DLGAP4: variants seen among roughly 807,000 people sequenced by gnomAD.
DLGAP4 encodes the protein disks large-associated protein 4.
Under a neutral mutation model 86.9 loss-of-function variants are expected in DLGAP4, and 18 were observed. The ratio of observed to expected loss-of-function variants is 0.21; its 90% CI spans 0.14 to 0.31. The LOEUF (loss-of-function observed/expected upper bound fraction) is 0.31, where lower values mean the gene tolerates loss of function less well. DLGAP4 is among the 10% of genes least tolerant of loss of function. The pLI is 1.00. For missense variants in DLGAP4, 1,085 were observed against 1,362.6 expected, an observed-to-expected ratio of 0.80 and a Z score of 3.21; for synonymous variants, 548 against 574.3, an observed-to-expected ratio of 0.95 and a Z score of 0.65.
intron 7 of DLGAP4, among the ~76,000 whole-genome samples, chr20:36,467,843 C>T (rs574172939): frequency 5.9e-5 from 9 of 152,324 alleles, no homozygotes; most frequent in East Asian, 3.9e-4. Context: ...TCCACAAGGG[C>T]GCTCATGAAA....
chr20:36,356,746 T>C (rs1447871990), intron 1 of DLGAP4, among the ~76,000 whole-genome samples: 1 of 151,666 alleles, frequency 6.6e-6, no homozygotes, highest in Non-Finnish European at 1.5e-5. Flanking sequence ...TGCAGTGCCA[T>C]ATGGCTTGCA....
chr20:36,460,878 T>G (rs1362194106), intron 7 of DLGAP4, among the ~76,000 whole-genome samples: 1 of 152,180 alleles, frequency 6.6e-6, no homozygotes, highest in Non-Finnish European at 1.5e-5. Context: ...TTGTTCAAGA[T>G]CACACAGGCC....
rs1187189217 is a variant in DLGAP4, at chr20:36,526,820, A to C, written c.2768A>C (p.Lys923Thr). ...CTCACTGTCTCACTAAAGGAAGAGA[A>C]GAAACCACCCCCTCCGGTCCCAAAG... ...VETPEKRKEE[K>T]KPPPPVPKKP... Residue 923 changes from lysine (K) to threonine (T), a missense_variant, in exon 13 of 13, where the codon AAG (lysine) becomes ACG (threonine). This residue lies in a region of DLGAP4 where 1,082 missense variants were observed against 1,344.1 expected (regional missense o/e 0.81). Coordinates refer to ENST00000339266, the MANE Select transcript of DLGAP4 (RefSeq NM_001365621.2). The C allele has an allele frequency of 1.9e-6, 3 of 1,603,046 alleles. No individual in the cohort carries two copies. Among genetic ancestry groups the C allele is most frequent in the Non-Finnish European group, 2.5e-6 (3 of 1,176,592 alleles).
In DLGAP4 at chr20:36,418,796, CA is replaced by C. The variant is rs1293119998; in HGVS notation, c.-72-12849del. On this transcript the variant is annotated intron_variant, in intron 2 of 12. Transcript: ENST00000339266. ...GGGAGCAGTGTCAGTCACACGTCCC[CA>C]GCAGCCATGGCCTGCTATCTTGTTG... Among the ~76,000 whole-genome samples the C allele has an allele frequency of 2.0e-5, 3 of 150,924 alleles. No individual in the cohort carries two copies. The East Asian group carries it at 5.9e-4, about 30-fold the overall frequency.
chr20:36,504,715 G>A (rs2036286458), intron 10 of DLGAP4, among the ~76,000 whole-genome samples: 1 of 152,196 alleles, frequency 6.6e-6, no homozygotes, highest in South Asian at 2.1e-4. Context: ...AGTAGATGAA[G>A]TAATATCTCA....
chr20:36,446,838 A>G lies in DLGAP4; in HGVS notation c.1549A>G (p.Ile517Val). 6.2e-7 allele frequency: 1 copy of G among 1,613,184 alleles called. No homozygotes were observed. The highest frequency in any genetic ancestry group is 8.5e-7 in the Non-Finnish European group (1 of 1,179,890). ...RSRSHSYLRA[I>V]QAGCSQEEDS... ...CCGCAGCCACAGCTACCTGCGTGCCATCCAGGCAGGCTGCTCGCAGGAGGA... is the reference window on the plus strand; with the variant it reads ...CCGCAGCCACAGCTACCTGCGTGCCGTCCAGGCAGGCTGCTCGCAGGAGGA... Residue 517 changes from isoleucine (I) to valine (V), a missense_variant, in exon 7 of 13, where the codon ATC becomes GTC. By Grantham distance (29) the Ile-to-Val change is conservative. Around this residue, in one of 2 missense-constraint regions of DLGAP4, gnomAD observed 1,082 missense variants for 1,344.1 expected, o/e 0.81. Coordinates refer to ENST00000339266, the MANE Select transcript of DLGAP4 (RefSeq NM_001365621.2).
At chr20:36,331,724 C>T (rs1041290644) in intron 1 of DLGAP4, among the ~76,000 whole-genome samples, 4 of 152,228 alleles carry the variant, frequency 2.6e-5, no homozygotes, top group Non-Finnish European at 5.9e-5. Context: ...TCCCTGCCCT[C>T]ACAGAGCTCT....
chr20:36,327,634 C>A (rs2065228747), intron 1 of DLGAP4, among the ~76,000 whole-genome samples: 1 of 145,556 alleles, frequency 6.9e-6, no homozygotes, highest in Admixed American at 6.8e-5. Flanking sequence ...CTCTGTCGCC[C>A]AGGCTGGAGT....
At chr20:36,463,055 G>A (rs1399583106) in intron 7 of DLGAP4, among the ~76,000 whole-genome samples, 1 of 152,176 alleles carries the variant, frequency 6.6e-6, no homozygotes, top group Non-Finnish European at 1.5e-5. Context: ...TGGGGTTCAT[G>A]GCCAGAACTT....
intron 1 of DLGAP4, among the ~76,000 whole-genome samples, chr20:36,343,457 T>C (rs2065404761): frequency 1.3e-5 from 2 of 152,122 alleles, no homozygotes; most frequent in Non-Finnish European, 2.9e-5. Context: ...ACCAACTTTA[T>C]GATGTGCTCA....
chr20:36,477,820 A>C (rs1022835945), intron 7 of DLGAP4, among the ~76,000 whole-genome samples: 1 of 152,222 alleles, frequency 6.6e-6, no homozygotes, highest in African/African-American at 2.4e-5. Context: ...AGGACGCCTG[A>C]TCCCAATTTG....
chr20:36,472,500 CAAAA>C (rs1217814412), intron 7 of DLGAP4, among the ~76,000 whole-genome samples: 15 of 76,340 alleles, frequency 2.0e-4, no homozygotes, highest in East Asian at 1.2e-3. Context: ...AACCCTGTCT[CAAAA>C]AAAAAAAAAA....
chr20:36,313,893 A>G (rs1444686481), intron 1 of DLGAP4, among the ~76,000 whole-genome samples: 3 of 152,124 alleles, frequency 2.0e-5, no homozygotes, highest in Non-Finnish European at 2.9e-5. Context: ...CAGTTACCCC[A>G]TCGGAACAGC....
intron 7 of DLGAP4, among the ~76,000 whole-genome samples, chr20:36,489,855 CTTTTT>C (rs764797081): frequency 6.5e-5 from 7 of 107,994 alleles, no homozygotes; most frequent in African/African-American, 1.5e-4. Flanking sequence ...GCTAATTCTT[CTTTTT>C]TTTTTTTTTT....
At chr20:36,386,695 C>T (rs2031611074) in intron 2 of DLGAP4, among the ~76,000 whole-genome samples, 1 of 152,060 alleles carries the variant, frequency 6.6e-6, no homozygotes, top group Non-Finnish European at 1.5e-5. Context: ...AGTGATCCTC[C>T]CACCTCAGCC....
chr20:36,478,189 C>T (rs1213702890), intron 7 of DLGAP4, among the ~76,000 whole-genome samples: 1 of 152,160 alleles, frequency 6.6e-6, no homozygotes, highest in Non-Finnish European at 1.5e-5. Flanking sequence ...GGCAATTACC[C>T]CTCCTACTGG....
chr20:36,371,984 T>C (rs1459545747), intron 2 of DLGAP4, among the ~76,000 whole-genome samples: 1 of 152,138 alleles, frequency 6.6e-6, no homozygotes, highest in African/African-American at 2.4e-5. Context: ...CCTAGGGTAC[T>C]TCTTCTCTCC....
At chr20:36,328,349 G>A (rs2065236558) in intron 1 of DLGAP4, among the ~76,000 whole-genome samples, 1 of 152,134 alleles carries the variant, frequency 6.6e-6, no homozygotes, top group African/African-American at 2.4e-5. Flanking sequence ...GTCCAGCTGG[G>A]AGGACATCAG....
intron 1 of DLGAP4, among the ~76,000 whole-genome samples, chr20:36,332,144 C>G (rs1471782844): frequency 1.3e-5 from 2 of 151,970 alleles, no homozygotes; most frequent in Non-Finnish European, 2.9e-5. Flanking sequence ...AGAAGGGATG[C>G]CCAGGAGAAG....
Sources: allele counts gnomAD v4.1 joint callset (sites outside exome capture counted in the v4.1 genomes callset), GRCh38; gene constraint gnomAD v4.1.1; regional missense constraint gnomAD v4.1.1; transcripts MANE v1.5; gene names NCBI Gene and HGNC (gene_info 2026-07-23, HGNC 2026-07-21).